Variants in RBKS observed in about 807,000 individuals in gnomAD.
RBKS encodes the protein ribokinase.
RBKS carries 33 observed loss-of-function variants against 33.9 expected under a neutral mutation model. That is an observed-to-expected ratio of 0.97 (90% confidence interval 0.74 to 1.30). The LOEUF (loss-of-function observed/expected upper bound fraction) is 1.30, where lower values mean the gene tolerates loss of function less well. Ranked by LOEUF, RBKS falls within the 50% of genes most tolerant of loss-of-function variation. The pLI is 0.00. For synonymous variants in RBKS, 125 were observed against 143.0 expected, an observed-to-expected ratio of 0.87 and a Z score of 0.90; for missense variants, 361 against 392.6, an observed-to-expected ratio of 0.92 and a Z score of 0.68.
At chr2:27,861,575 T>C (rs934912550) in intron 1 of RBKS, 1 of 468,890 alleles carries the variant, frequency 2.1e-6, no homozygotes, top group African/African-American at 2.0e-5. Flanking sequence ...TTGTTGACAA[T>C]GGCATTAAAC....
chr2:27,881,646 C>A (rs1664418880), intron 1 of RBKS, among the ~76,000 whole-genome samples: 1 of 152,096 alleles, frequency 6.6e-6, no homozygotes, highest in Non-Finnish European at 1.5e-5. Flanking sequence ...CTGGAGGCAT[C>A]ACACTACCTG....
intron 7 of RBKS, among the ~76,000 whole-genome samples, chr2:27,805,976 C>A (rs1677889024): frequency 6.6e-6 from 1 of 151,978 alleles, no homozygotes; most frequent in Non-Finnish European, 1.5e-5. Flanking sequence ...ACTGTAGGCT[C>A]AACCTCCTGG....
chr2:27,861,754 T>C (rs968529122), intron 1 of RBKS, among the ~76,000 whole-genome samples: 36 of 150,846 alleles, frequency 2.4e-4, no homozygotes, highest in Non-Finnish European at 4.0e-4. Context: ...TGGGTTCAAA[T>C]GATTCCCCTG....
chr2:27,853,354 A>G (rs1245863613), intron 2 of RBKS, among the ~76,000 whole-genome samples: 4 of 116,714 alleles, frequency 3.4e-5, no homozygotes, highest in East Asian at 2.2e-4. Flanking sequence ...CCTGTCTCTG[A>G]AAAAAAAAAA....
At chr2:27,880,247 A>G (rs893391312) in intron 1 of RBKS, among the ~76,000 whole-genome samples, 20 of 152,250 alleles carry the variant, frequency 1.3e-4, no homozygotes, top group Non-Finnish European at 2.8e-4. Context: ...AACTCTCAAT[A>G]AACTAGGTAT....
intron 1 of RBKS, among the ~76,000 whole-genome samples, chr2:27,863,529 T>C (rs1166552449): frequency 6.6e-6 from 1 of 152,256 alleles, no homozygotes; most frequent in Admixed American, 6.5e-5. Context: ...ATGTGGTTTT[T>C]ACAGATTCTC....
chr2:27,781,680 C>G lies in RBKS; in HGVS notation c.904G>C (p.Val302Leu). ...GATGACTGTGTTCCTGCAGCCTGGA[C>G]ACTGACTGCTGCAATGAAATTGGAT... ...NRSNFIAAVS[V>L]QAAGTQSSYP... Residue 302 changes from valine (V) to leucine (L), a missense_variant, in exon 8 of 8, where the codon GTC (valine) becomes CTC (leucine). Physicochemically the swap from Val to Leu is conservative, Grantham distance 32 (BLOSUM62 1). Coordinates refer to ENST00000302188, the MANE Select transcript of RBKS (RefSeq NM_022128.3). 3.1e-6 allele frequency: 5 copies of G among 1,614,048 alleles called. No individual in the cohort carries two copies. The highest frequency in any genetic ancestry group is 4.2e-6 in the Non-Finnish European group (5 of 1,179,950).
chr2:27,864,448 C>A (rs1045492217), intron 1 of RBKS, among the ~76,000 whole-genome samples: 18 of 152,180 alleles, frequency 1.2e-4, no homozygotes, highest in African/African-American at 4.3e-4. Flanking sequence ...TATCCTTGAG[C>A]CCTATTTATT....
chr2:27,805,096 A>G (rs1461959466), intron 7 of RBKS, among the ~76,000 whole-genome samples: 4 of 152,140 alleles, frequency 2.6e-5, no homozygotes, highest in Non-Finnish European at 4.4e-5. Context: ...TCAAACACAG[A>G]TACATTCAGG....
At chr2:27,848,790 G>A (rs1229147827) in intron 2 of RBKS, among the ~76,000 whole-genome samples, 2 of 149,326 alleles carry the variant, frequency 1.3e-5, no homozygotes, top group Non-Finnish European at 3.0e-5. Context: ...GCAGTGAGCC[G>A]AGGTCACACC....
intron 6 of RBKS, among the ~76,000 whole-genome samples, chr2:27,831,597 A>C (rs1169793614): frequency 6.6e-6 from 1 of 152,198 alleles, no homozygotes; most frequent in Non-Finnish European, 1.5e-5. Flanking sequence ...TGAAATTATC[A>C]AGAAAGCAGG....
chr2:27,801,963 AATATATATATATATAT>A (rs869036134), intron 7 of RBKS, among the ~76,000 whole-genome samples: 3 of 47,614 alleles, frequency 6.3e-5, no homozygotes, highest in Admixed American at 5.5e-4. Flanking sequence ...AAAAAAAAAA[AATATATATATATATAT>A]ATATATATAT....
At chr2:27,804,906 G>A (rs1372749409) in intron 7 of RBKS, among the ~76,000 whole-genome samples, 1 of 151,942 alleles carries the variant, frequency 6.6e-6, no homozygotes, top group Non-Finnish European at 1.5e-5. Flanking sequence ...GCACACCTGT[G>A]GTCCCAGGTA....
chr2:27,874,624 A>C (rs942584789), intron 1 of RBKS, among the ~76,000 whole-genome samples: 1 of 152,098 alleles, frequency 6.6e-6, no homozygotes, highest in Admixed American at 6.6e-5. Context: ...ATCAGGAATA[A>C]CTCCAACCCC....
intron 7 of RBKS, 101 bp from the exon 8 acceptor site, chr2:27,781,889 A>G: frequency 9.3e-7 from 1 of 1,078,898 alleles, no homozygotes; most frequent in South Asian, 1.7e-5. Context: ...TTAGTTTTAG[A>G]TTTACAGAAA....
chr2:27,868,730 C>T (rs1383306190), intron 1 of RBKS, among the ~76,000 whole-genome samples: 1 of 152,194 alleles, frequency 6.6e-6, no homozygotes, highest in East Asian at 1.9e-4. Context: ...TTCTTAAAAT[C>T]TTACTTGTAT....
chr2:27,781,421 G>A lies in RBKS; in HGVS notation c.*194C>T. On this transcript the variant is annotated 3_prime_UTR_variant, in exon 8 of 8. Transcript: ENST00000302188. ...CTTGGTTGTGGAATCTTTAATTCTG[G>A]TTGTTTTGTGCAAATGCATGGAAAG... The A allele has an allele frequency of 1.9e-6, 1 of 535,256 alleles. No individual in the cohort carries two copies. Among genetic ancestry groups the A allele is most frequent in the Non-Finnish European group, 3.3e-6 (1 of 305,530 alleles). The allele number at this position is 535,256 out of a possible 1,614,324, so 33.2% of individuals were successfully genotyped here.
At chr2:27,802,077 A>C (rs1265643438) in intron 7 of RBKS, among the ~76,000 whole-genome samples, 2 of 134,088 alleles carry the variant, frequency 1.5e-5, no homozygotes, top group East Asian at 2.4e-4. Context: ...AACTCAGGCA[A>C]TCCACCTGCC....
chr2:27,811,923 C>T (rs1270383429), intron 7 of RBKS, among the ~76,000 whole-genome samples: 2 of 152,090 alleles, frequency 1.3e-5, no homozygotes, highest in Non-Finnish European at 2.9e-5. Context: ...AAAAAAATTC[C>T]ACCACTGGCT....
Sources: gnomAD v4.1 joint callset for allele counts (sites outside exome capture counted in the v4.1 genomes callset) on GRCh38, gnomAD v4.1.1 for gene constraint, MANE v1.5 for transcripts, NCBI Gene and HGNC (gene_info 2026-07-23, HGNC 2026-07-21) for gene names.